Variants in PDE7B observed in about 807,000 individuals in gnomAD.
PDE7B encodes phosphodiesterase 7B.
PDE7B carries 29 observed loss-of-function variants against 56.2 expected under a neutral mutation model. The ratio of observed to expected loss-of-function variants is 0.52; its 90% CI spans 0.38 to 0.70. The LOEUF is 0.70. PDE7B is among the 30% of genes least tolerant of loss of function. The probability of loss-of-function intolerance (pLI) is 0.00; values close to 1 mark genes in which losing one functional copy is unlikely to be tolerated. For missense variants in PDE7B, 490 were observed against 565.0 expected, an observed-to-expected ratio of 0.87 and a Z score of 1.35; for synonymous variants, 197 against 196.9, an observed-to-expected ratio of 1.00 and a Z score of 0.00.
chr6:136,119,661 G>A (rs1404617196), intron 3 of PDE7B, among the ~76,000 whole-genome samples: 2 of 152,128 alleles, frequency 1.3e-5, no homozygotes, highest in Non-Finnish European at 2.9e-5. Context: ...ACTTTGCAAA[G>A]CTTTTAAATG....
At chr6:136,170,154 A>G (rs1203346096) in intron 8 of PDE7B, among the ~76,000 whole-genome samples, 1 of 152,170 alleles carries the variant, frequency 6.6e-6, no homozygotes, top group Non-Finnish European at 1.5e-5. Context: ...TTTGCTGAAA[A>G]AGTTGAACAT....
At chr6:135,894,471 A>G (rs1775862554) in intron 1 of PDE7B, among the ~76,000 whole-genome samples, 1 of 152,152 alleles carries the variant, frequency 6.6e-6, no homozygotes, top group Non-Finnish European at 1.5e-5. Context: ...AAGAATTATA[A>G]CCTGTTCCTA....
chr6:136,064,219 G>A (rs1046041359), intron 2 of PDE7B, among the ~76,000 whole-genome samples: 4 of 151,992 alleles, frequency 2.6e-5, no homozygotes, highest in South Asian at 2.1e-4. Context: ...CAGCTATAAA[G>A]GAAAAGCACA....
intron 2 of PDE7B, among the ~76,000 whole-genome samples, chr6:135,975,020 G>A (rs1775158472): frequency 6.6e-6 from 1 of 152,064 alleles, no homozygotes; most frequent in African/African-American, 2.4e-5. Context: ...ACAAGAGACA[G>A]TGATGGTGCT....
chr6:136,010,861 A>G (rs555732420), intron 2 of PDE7B, among the ~76,000 whole-genome samples: 58 of 152,284 alleles, frequency 3.8e-4, no homozygotes, highest in African/African-American at 1.4e-3. Context: ...GTCAGGACAG[A>G]GAAATAAGTC....
At chr6:136,032,187 T>C (rs760951482) in intron 2 of PDE7B, among the ~76,000 whole-genome samples, 8 of 152,194 alleles carry the variant, frequency 5.3e-5, no homozygotes, top group Non-Finnish European at 1.0e-4. Flanking sequence ...CATCAGTTTG[T>C]CTAGGGAAAT....
At chr6:136,174,132 A>T (rs2128450323) in intron 9 of PDE7B, among the ~76,000 whole-genome samples, 1 of 152,278 alleles carries the variant, frequency 6.6e-6, no homozygotes, top group South Asian at 2.1e-4. Context: ...AAAAGGGATA[A>T]TAAACAGCTC....
chr6:136,032,892 C>T (rs1200031776), intron 2 of PDE7B, among the ~76,000 whole-genome samples: 2 of 152,222 alleles, frequency 1.3e-5, no homozygotes, highest in Non-Finnish European at 2.9e-5. Context: ...ATAGATAAGG[C>T]CCCAAATTTG....
rs538548422 is a variant in PDE7B at position 135,912,089 on chromosome 6, C to T, written c.22-35375C>T. ...GTGCTTATATTTGTCCAACATAGCCCTCACTTTCCACCACACACACGTTAA... is the reference window on the plus strand; with the variant it reads ...GTGCTTATATTTGTCCAACATAGCCTTCACTTTCCACCACACACACGTTAA... On this transcript the variant is annotated intron_variant, in intron 1 of 12. Transcript: ENST00000308191. Among the ~76,000 whole-genome samples the T allele has an allele frequency of 9.9e-5, 15 of 152,204 alleles. No individual in the cohort carries two copies. The East Asian group carries it at 2.7e-3, about 27-fold the overall frequency.
chr6:136,066,943 A>T (rs893753087), intron 2 of PDE7B, among the ~76,000 whole-genome samples: 2 of 151,594 alleles, frequency 1.3e-5, no homozygotes, highest in African/African-American at 4.9e-5. Flanking sequence ...GCAGCCTAGA[A>T]CTCCTGGCCG....
At chr6:135,973,758 A>G (rs1034835414) in intron 2 of PDE7B, among the ~76,000 whole-genome samples, 5 of 152,206 alleles carry the variant, frequency 3.3e-5, no homozygotes. Flanking sequence ...TTTGTTGGCC[A>G]TTTTTATATG....
At chr6:135,948,208 C>G (rs574079001) in intron 2 of PDE7B, among the ~76,000 whole-genome samples, 22 of 152,010 alleles carry the variant, frequency 1.4e-4, no homozygotes, top group African/African-American at 5.1e-4. Flanking sequence ...AGTTTCTAAA[C>G]AGTAAAATTT....
intron 12 of PDE7B, among the ~76,000 whole-genome samples, chr6:136,190,301 G>T (rs1779203084): frequency 6.6e-6 from 1 of 152,136 alleles, no homozygotes; most frequent in Admixed American, 6.5e-5. Flanking sequence ...CTCCAGTTCA[G>T]GTTCTCTACT....
intron 2 of PDE7B, among the ~76,000 whole-genome samples, chr6:136,043,641 A>G (rs1776450257): frequency 6.7e-6 from 1 of 149,814 alleles, no homozygotes; most frequent in African/African-American, 2.5e-5. Flanking sequence ...CAGTAAATGT[A>G]TACTCTCATA....
intron 9 of PDE7B, 71 bp from the exon 10 acceptor site, chr6:136,178,926 A>G: frequency 1.3e-6 from 2 of 1,511,866 alleles, no homozygotes; most frequent in South Asian, 1.1e-5. Context: ...CCTGATGATG[A>G]TAAAATCAAT....
intron 1 of PDE7B, among the ~76,000 whole-genome samples, chr6:135,926,100 G>GGGGGGGGGT (rs71006778): frequency 4.1e-5 from 2 of 49,204 alleles, no homozygotes; most frequent in Non-Finnish European, 7.6e-5. Flanking sequence ...GGGGGGGGGG[G>GGGGGGGGGT]AGGGGGGATG....
chr6:136,085,801 C>T (rs1400812311), intron 2 of PDE7B, among the ~76,000 whole-genome samples: 4 of 152,202 alleles, frequency 2.6e-5, no homozygotes, highest in Non-Finnish European at 5.9e-5. Context: ...TCCCTGGCTC[C>T]GTGGTACCGT....
chr6:135,851,918 C>T lies in PDE7B; in HGVS notation c.-81C>T, dbSNP rs1331602776. On this transcript the variant is annotated 5_prime_UTR_variant, in exon 1 of 13. Transcript: ENST00000308191. ...TCCTGGATGAAGTTGCTGGATTCTG[C>T]AGCACAAGTCTTCATGAACAAGCAG... 1.4e-5 allele frequency: 13 copies of T among 945,362 alleles called. No homozygotes were observed. The Admixed American group carries it at 2.1e-4, about 15-fold the overall frequency. The allele number at this position is 945,362 out of a possible 1,614,324, so 58.6% of individuals were successfully genotyped here.
intron 2 of PDE7B, among the ~76,000 whole-genome samples, chr6:136,031,785 A>G (rs1365965692): frequency 6.6e-6 from 1 of 150,728 alleles, no homozygotes; most frequent in Non-Finnish European, 1.5e-5. Flanking sequence ...TCATTTTCTC[A>G]CTTTCCTTTT....
Sources: allele counts gnomAD v4.1 joint callset (sites outside exome capture counted in the v4.1 genomes callset), GRCh38; gene constraint gnomAD v4.1.1; transcripts MANE v1.5; gene names NCBI Gene and HGNC (gene_info 2026-07-23, HGNC 2026-07-21).